Variants in ZFAT observed in about 807,000 individuals in gnomAD.
ZFAT encodes the protein zinc finger protein ZFAT.
Under a neutral mutation model 117.7 loss-of-function variants are expected in ZFAT, and 64 were observed. The ratio of observed to expected loss-of-function variants is 0.54; its 90% CI spans 0.44 to 0.67. The LOEUF is 0.67. ZFAT is among the 30% of genes least tolerant of loss of function. The probability of loss-of-function intolerance (pLI) is 0.00; values close to 1 mark genes in which losing one functional copy is unlikely to be tolerated. For synonymous variants in ZFAT, 679 were observed against 615.0 expected (o/e 1.10, Z -1.54); for missense variants, 1,433 against 1,584.5 (o/e 0.90, Z 1.62).
intron 11 of ZFAT, chr8:134,565,108 C>T: frequency 2.7e-6 from 4 of 1,505,516 alleles, no homozygotes; most frequent in Non-Finnish European, 3.5e-6. Context: ...CATCCTCTTA[C>T]ACATCTTTGA....
intron 10 of ZFAT, among the ~76,000 whole-genome samples, chr8:134,575,117 G>C (rs1014328440): frequency 1.3e-5 from 2 of 152,170 alleles, no homozygotes; most frequent in Admixed American, 1.3e-4. Context: ...GACATCCATA[G>C]TATGAACCCA....
chr8:134,540,737 CT>C (rs1404986133), intron 11 of ZFAT, among the ~76,000 whole-genome samples: 1 of 152,206 alleles, frequency 6.6e-6, no homozygotes, highest in Non-Finnish European at 1.5e-5. Flanking sequence ...TCTCATATGC[CT>C]TTATTCCTCA....
chr8:134,798,178 C>T, the ZFAT span: 10 of 151,884 alleles, frequency 6.6e-5, no homozygotes, highest in South Asian at 2.1e-4. Flanking sequence ...AGGGGAGAAG[C>T]TAAATAATTC....
Position 134,478,142 on chromosome 8 carries a change from A to C in ZFAT, c.*340T>G. 6.8e-6 allele frequency: 2 copies of C among 292,388 alleles called. No homozygotes were observed. Among genetic ancestry groups the C allele is most frequent in the Non-Finnish European group, 1.3e-5 (2 of 153,512 alleles). The allele number at this position is 292,388 out of a possible 1,614,324, so 18.1% of individuals were successfully genotyped here. ...AGGAGCTGGGGCTGTGATTCAGGGA[A>C]GATGCTGAGGGGGACTGGGAGTCTC... is the stretch of plus-strand genomic sequence containing the variant. On this transcript the variant is annotated 3_prime_UTR_variant, in exon 16 of 16. Transcript: ENST00000377838. This position sits in a 1 kb window ranked among gnomAD's most constrained non-coding sequence, Gnocchi z 5.2.
the ZFAT span, among the ~76,000 whole-genome samples, chr8:134,827,783 A>T: frequency 3.3e-5 from 5 of 151,874 alleles, no homozygotes; most frequent in African/African-American, 1.2e-4. Flanking sequence ...AAAAAAAAAA[A>T]AATTCTAGTT....
chr8:134,727,979 C>T, the ZFAT span, among the ~76,000 whole-genome samples: 2 of 152,088 alleles, frequency 1.3e-5, no homozygotes, highest in African/African-American at 4.8e-5. Context: ...GCAAACAGGC[C>T]ACTTTTGGGT....
chr8:134,493,396 G>C (rs1185668912), intron 15 of ZFAT, among the ~76,000 whole-genome samples: 1 of 152,210 alleles, frequency 6.6e-6, no homozygotes, highest in African/African-American at 2.4e-5. Context: ...AGGCTTCCTG[G>C]CCTCAGTGCT....
chr8:134,565,600 G>A (rs961002715), intron 10 of ZFAT, 179 bp from the exon 11 acceptor site: 1 of 719,734 alleles, frequency 1.4e-6, no homozygotes, highest in East Asian at 2.7e-5. Context: ...TCTTCAACAG[G>A]TGGGAGTGGA....
chr8:134,481,403 C>T (rs1378709709), intron 15 of ZFAT, among the ~76,000 whole-genome samples: 3 of 152,188 alleles, frequency 2.0e-5, no homozygotes, highest in Admixed American at 1.3e-4. Flanking sequence ...CAAACCCATC[C>T]ATGAGCTTTA....
At chr8:134,697,268 C>G (rs966094787) in intron 1 of ZFAT, among the ~76,000 whole-genome samples, 1 of 152,078 alleles carries the variant, frequency 6.6e-6, no homozygotes, top group African/African-American at 2.4e-5. Context: ...CACCCGCCAC[C>G]ATGCCCAGCT....
chr8:134,606,164 T>C (rs1435414455), intron 5 of ZFAT, among the ~76,000 whole-genome samples: 1 of 151,796 alleles, frequency 6.6e-6, no homozygotes, highest in Non-Finnish European at 1.5e-5. Flanking sequence ...GCAGCAAGAG[T>C]ACTGGGGAAC....
intron 15 of ZFAT, among the ~76,000 whole-genome samples, chr8:134,503,744 T>G (rs865878261): frequency 6.6e-5 from 10 of 152,130 alleles, no homozygotes; most frequent in African/African-American, 2.4e-4. Flanking sequence ...CACTGGTTTT[T>G]CCTGCCTTTG....
intron 15 of ZFAT, among the ~76,000 whole-genome samples, chr8:134,494,284 C>T (rs1161751287): frequency 1.3e-5 from 2 of 152,238 alleles, no homozygotes; most frequent in Admixed American, 6.5e-5. Context: ...ACATTTCCAC[C>T]TGCCTGACTT....
chr8:134,530,780 A>G (rs976313948), intron 12 of ZFAT, among the ~76,000 whole-genome samples: 5 of 113,480 alleles, frequency 4.4e-5, no homozygotes, highest in Non-Finnish European at 9.6e-5. Flanking sequence ...ATAAAAATAA[A>G]AAAATAATAC....
the ZFAT span, among the ~76,000 whole-genome samples, chr8:134,783,061 A>T: frequency 1.3e-5 from 2 of 152,120 alleles, no homozygotes; most frequent in Non-Finnish European, 1.5e-5. Flanking sequence ...ATGCATATAC[A>T]TCTTTAGTAA....
At chr8:134,643,348 T>C (rs1830696331) in intron 2 of ZFAT, among the ~76,000 whole-genome samples, 1 of 152,222 alleles carries the variant, frequency 6.6e-6, no homozygotes, top group Non-Finnish European at 1.5e-5. Context: ...ATAATATACT[T>C]TGACCTCTTC....
intron 1 of ZFAT, among the ~76,000 whole-genome samples, chr8:134,694,671 A>G (rs1180323862): frequency 6.6e-6 from 1 of 152,102 alleles, no homozygotes; most frequent in Non-Finnish European, 1.5e-5. Flanking sequence ...CTGCCTCTCT[A>G]AAGGCTCCAG....
the ZFAT span, among the ~76,000 whole-genome samples, chr8:134,808,167 C>G: frequency 5.9e-5 from 9 of 152,250 alleles, no homozygotes; most frequent in Non-Finnish European, 1.2e-4. Flanking sequence ...GTTTCCCTGA[C>G]ATGCACATGC....
chr8:134,755,673 G>A, the ZFAT span, among the ~76,000 whole-genome samples: 4 of 151,796 alleles, frequency 2.6e-5, no homozygotes, highest in South Asian at 8.3e-4. Flanking sequence ...TTGTCTGGGT[G>A]TGGTGGCACA....
Sources: allele counts gnomAD v4.1 joint callset (sites outside exome capture counted in the v4.1 genomes callset), GRCh38; gene constraint gnomAD v4.1.1; non-coding constraint Gnocchi (gnomAD v3.1); transcripts MANE v1.5; gene names NCBI Gene and HGNC (gene_info 2026-07-23, HGNC 2026-07-21).